GRIN2A: variants seen among roughly 807,000 people sequenced by gnomAD.
The protein encoded by GRIN2A is glutamate ionotropic receptor NMDA type subunit 2A, also known as glutamate receptor ionotropic, NMDA 2A.
In GRIN2A, 22 loss-of-function variants were observed where a neutral mutation model predicts 113.4. The ratio of observed to expected loss-of-function variants is 0.19; its 90% CI spans 0.14 to 0.28. The LOEUF is 0.28. GRIN2A is among the 10% of genes least tolerant of loss of function. The pLI is 1.00. For missense variants in GRIN2A, 1,502 were observed against 1,887.0 expected, an observed-to-expected ratio of 0.80 and a Z score of 3.78; for synonymous variants, 827 against 738.4, an observed-to-expected ratio of 1.12 and a Z score of -1.94.
At chr16:9,875,177 G>A (rs916276553) in intron 4 of GRIN2A, among the ~76,000 whole-genome samples, 1 of 151,872 alleles carries the variant, frequency 6.6e-6, no homozygotes, top group African/African-American at 2.4e-5. Context: ...CTTAAAAAAG[G>A]GTGTGTGGGG....
rs76891903 is a variant in GRIN2A at position 9,987,529 on chromosome 16, C to G, written c.415-48978G>C. Among the ~76,000 whole-genome samples, 1,254 of 152,288 alleles carry G rather than the reference C, an allele frequency of 8.2e-3. 15 individuals carry two copies. Among genetic ancestry groups the G allele is most frequent in the African/African-American group, 0.029 (1,190 of 41,552 alleles). On this transcript the variant is annotated intron_variant, in intron 2 of 12. Coordinates refer to ENST00000330684, the MANE Select transcript of GRIN2A (RefSeq NM_001134407.3). ...GAGGGCATAAGAAAGCAAACAAATA[C>G]GCCAAAACATATTTCAAGAGTAGCA...
At chr16:9,860,867 A>G (rs2043055591) in intron 4 of GRIN2A, among the ~76,000 whole-genome samples, 1 of 152,172 alleles carries the variant, frequency 6.6e-6, no homozygotes. Context: ...TCCATGTTCG[A>G]TATAGTATAG....
At chr16:9,999,604 A>G (rs2046286675) in intron 2 of GRIN2A, among the ~76,000 whole-genome samples, 1 of 152,080 alleles carries the variant, frequency 6.6e-6, no homozygotes, top group Non-Finnish European at 1.5e-5. Context: ...GTTGGGGGCT[A>G]GGGGAGGGAT....
At chr16:10,159,160 G>C (rs180862839) in intron 2 of GRIN2A, among the ~76,000 whole-genome samples, 1 of 152,074 alleles carries the variant, frequency 6.6e-6, no homozygotes, top group Non-Finnish European at 1.5e-5. Flanking sequence ...GGTGGTCCTC[G>C]GATCCCTGCC....
rs587780351 is a variant in GRIN2A, at chr16:9,763,759, G to C, written c.3785C>G (p.Thr1262Ser). 5 of 1,614,038 alleles carry C rather than the reference G, an allele frequency of 3.1e-6. No individual in the cohort carries two copies. The highest frequency in any genetic ancestry group is 2.2e-5 in the South Asian group (2 of 91,090). ...QMLQETGNPA[T>S]GEQVYQQDWA... is the part of the protein sequence containing the mutation. ...GTCCTGCTGGTAGACCTGCTCCCCG[G>C]TGGCTGGGTTACCTGTCTCCTGAAG... The change falls in exon 13 of 13, where the codon ACC becomes AGC. Residue 1262 changes from threonine to serine, a missense_variant. Around this residue, in one of 7 missense-constraint regions of GRIN2A, gnomAD observed 832 missense variants for 789.7 expected, o/e 1.05. Coordinates refer to ENST00000330684, the MANE Select transcript of GRIN2A (RefSeq NM_001134407.3).
chr16:10,165,513 T>TATATATATATATGGATATATATATAC (rs1325094168), intron 2 of GRIN2A, among the ~76,000 whole-genome samples: 407 of 79,268 alleles, frequency 5.1e-3, no homozygotes, highest in Middle Eastern at 0.034. Flanking sequence ...TATATATACA[T>TATATATATATATGGATATATATATAC]ATATATATAT....
intron 2 of GRIN2A, among the ~76,000 whole-genome samples, chr16:9,944,351 T>G (rs1207449146): frequency 6.6e-6 from 1 of 152,120 alleles, no homozygotes; most frequent in African/African-American, 2.4e-5. Flanking sequence ...TTCAGATGGA[T>G]AGCATTCTCA....
chr16:9,953,020 T>A (rs1374350289), intron 2 of GRIN2A, among the ~76,000 whole-genome samples: 5 of 152,142 alleles, frequency 3.3e-5, no homozygotes. Context: ...AGTTTTTATC[T>A]TCGGGAAGGA....
chr16:9,985,041 T>C (rs1213320), intron 2 of GRIN2A, among the ~76,000 whole-genome samples: 132,592 of 151,914 alleles, frequency 0.87, 58,407 homozygotes, highest in African/African-American at 0.96. Flanking sequence ...CATGCATGCG[T>C]GCACACACAC....
intron 2 of GRIN2A, among the ~76,000 whole-genome samples, chr16:10,052,397 G>A (rs942316515): frequency 1.3e-5 from 2 of 152,228 alleles, no homozygotes; most frequent in African/African-American, 4.8e-5. Context: ...TACAAAGCCT[G>A]TGCTCCTTCC....
chr16:9,884,536 G>A (rs188942796), intron 4 of GRIN2A, among the ~76,000 whole-genome samples: 281 of 152,118 alleles, frequency 1.8e-3, no homozygotes, highest in African/African-American at 6.6e-3. Flanking sequence ...GTGACAGTGT[G>A]AGATTCTGTC....
intron 2 of GRIN2A, among the ~76,000 whole-genome samples, chr16:10,176,736 T>C (rs148548532): frequency 6.6e-6 from 1 of 150,738 alleles, no homozygotes; most frequent in African/African-American, 2.4e-5. Flanking sequence ...CACTAGGAGA[T>C]ATACCTAATG....
At chr16:9,783,718 A>T (rs1305873856) in intron 11 of GRIN2A, among the ~76,000 whole-genome samples, 1 of 152,224 alleles carries the variant, frequency 6.6e-6, no homozygotes, top group Non-Finnish European at 1.5e-5. Flanking sequence ...ACCCCAACTG[A>T]GTGATTGGAT....
intron 2 of GRIN2A, among the ~76,000 whole-genome samples, chr16:10,098,284 T>G (rs1188678216): frequency 6.6e-6 from 1 of 152,094 alleles, no homozygotes; most frequent in Non-Finnish European, 1.5e-5. Context: ...AGAATGGCCA[T>G]AATCAAAAAA....
At chr16:9,927,981 G>C (rs1188940524) in intron 3 of GRIN2A, among the ~76,000 whole-genome samples, 1 of 152,180 alleles carries the variant, frequency 6.6e-6, no homozygotes, top group Non-Finnish European at 1.5e-5. Context: ...GTGGGGATTT[G>C]GACAATGGTA....
chr16:10,055,047 CAA>C (rs71133304), intron 2 of GRIN2A, among the ~76,000 whole-genome samples: 26 of 10,366 alleles, frequency 2.5e-3, no homozygotes, highest in Admixed American at 3.2e-3. Flanking sequence ...GACTCTATCT[CAA>C]AAAAAAAAAA....
At chr16:9,971,721 A>T (rs2045672840) in intron 2 of GRIN2A, among the ~76,000 whole-genome samples, 2 of 152,228 alleles carry the variant, frequency 1.3e-5, no homozygotes, top group Admixed American at 1.3e-4. Context: ...AGAAAACAGC[A>T]GAAGATAGCC....
chr16:9,816,322 A>G (rs1377825727), intron 10 of GRIN2A, among the ~76,000 whole-genome samples: 5 of 152,340 alleles, frequency 3.3e-5, no homozygotes, highest in Admixed American at 6.5e-5. Flanking sequence ...CCTCTCTTCC[A>G]ATTCTTCTAA....
Position 9,756,838 on chromosome 16 carries a change from C to A in GRIN2A, c.*6311G>T, listed in dbSNP as rs1212782001. On this transcript the variant is annotated 3_prime_UTR_variant, in exon 13 of 13. Transcript: ENST00000330684. ...CAGAGTGACAAAAGCTCCCTCTCCA[C>A]CTCGCCATCCTTCCTGAAATACACC... 3.8e-5 allele frequency: 7 copies of A among 183,374 alleles called. No individual in the cohort carries two copies. The highest frequency in any genetic ancestry group is 8.8e-5 in the East Asian group (1 of 11,322). 11.4% of individuals were successfully genotyped at this position (183,374 alleles called of 1,614,324 possible). A position where few individuals can be genotyped will look rare whatever the true frequency, so the allele number is the denominator to read the frequency against.
Sources: gnomAD v4.1 joint callset for allele counts (sites outside exome capture counted in the v4.1 genomes callset) on GRCh38, gnomAD v4.1.1 for gene constraint, gnomAD v4.1.1 regional missense constraint, MANE v1.5 for transcripts, NCBI Gene and HGNC (gene_info 2026-07-23, HGNC 2026-07-21) for gene names.